PCDH15: variants seen among roughly 807,000 people sequenced by gnomAD.
The protein encoded by PCDH15 is protocadherin related 15.
A neutral mutation model predicts 178.5 loss-of-function variants in PCDH15; 129 were observed. The ratio of observed to expected loss-of-function variants is 0.72; its 90% CI spans 0.63 to 0.84. The LOEUF (loss-of-function observed/expected upper bound fraction) is 0.84. Among genes scored for constraint, PCDH15 ranks in the 40% least tolerant of loss-of-function variants. The pLI is 0.00. For missense variants in PCDH15, 2,230 were observed against 2,099.9 expected (o/e 1.06, Z -1.21); for synonymous variants, 800 against 732.0 (o/e 1.09, Z -1.50).
chr10:54,874,433 A>G (rs963974739), intron 3 of PCDH15, among the ~76,000 whole-genome samples: 1 of 151,480 alleles, frequency 6.6e-6, no homozygotes, highest in African/African-American at 2.4e-5. Flanking sequence ...CAATAAACAT[A>G]CGTGTGCATG....
chr10:54,287,096 C>A (rs2059076643), intron 8 of PCDH15, among the ~76,000 whole-genome samples: 1 of 152,086 alleles, frequency 6.6e-6, no homozygotes, highest in South Asian at 2.1e-4. Context: ...TTGCTTAAGA[C>A]CTCTAGTATT....
chr10:55,411,139 C>T (rs1252191888), intron 2 of PCDH15, among the ~76,000 whole-genome samples: 3 of 151,946 alleles, frequency 2.0e-5, no homozygotes, highest in African/African-American at 4.8e-5. Flanking sequence ...TTAATCATAC[C>T]GGATTTGAAT....
chr10:53,958,776 G>C (rs535943363), intron 23 of PCDH15, among the ~76,000 whole-genome samples: 1 of 151,988 alleles, frequency 6.6e-6, no homozygotes, highest in South Asian at 2.1e-4. Flanking sequence ...GTCAGAGATC[G>C]AGACCATCCT....
intron 5 of PCDH15, among the ~76,000 whole-genome samples, chr10:54,364,617 T>C (rs1437635746): frequency 6.6e-6 from 1 of 152,186 alleles, no homozygotes; most frequent in East Asian, 1.9e-4. Flanking sequence ...CCTTGCTTTT[T>C]TTTCTTTACT....
chr10:54,749,149 C>T (rs1945861822), intron 1 of PCDH15, among the ~76,000 whole-genome samples: 1 of 152,024 alleles, frequency 6.6e-6, no homozygotes, highest in African/African-American at 2.4e-5. Context: ...CCTTATAATT[C>T]CCAGGCCAAA....
At chr10:54,058,687 TTTCTTTCTTTC>T (rs1565149156) in intron 18 of PCDH15, among the ~76,000 whole-genome samples, 1 of 86,432 alleles carries the variant, frequency 1.2e-5, no homozygotes, top group African/African-American at 5.0e-5. Context: ...TATTTCTTTC[TTTCTTTCTTTC>T]TTTTTTTTTT....
chr10:54,952,942 AAGAC>A (rs1461826760), intron 2 of PCDH15, among the ~76,000 whole-genome samples: 1 of 151,678 alleles, frequency 6.6e-6, no homozygotes, highest in Admixed American at 6.6e-5. Context: ...TCTGTGAACA[AAGAC>A]AGTTTTATTC....
At chr10:55,567,636 A>G (rs187021899) in intron 2 of PCDH15, among the ~76,000 whole-genome samples, 2 of 152,172 alleles carry the variant, frequency 1.3e-5, no homozygotes, top group East Asian at 3.9e-4. Flanking sequence ...AAATACTTGA[A>G]TAGACATTTA....
intron 2 of PCDH15, among the ~76,000 whole-genome samples, chr10:54,961,271 C>T (rs967247113): frequency 6.6e-6 from 1 of 152,192 alleles, no homozygotes; most frequent in African/African-American, 2.4e-5. Context: ...CCCCCTGCCA[C>T]CATGGCACCC....
At chr10:55,044,123 T>C (rs182348676) in intron 2 of PCDH15, among the ~76,000 whole-genome samples, 10 of 152,264 alleles carry the variant, frequency 6.6e-5, no homozygotes, top group African/African-American at 2.2e-4. Context: ...AAGGACATTT[T>C]TGATGTCTCA....
intron 26 of PCDH15, among the ~76,000 whole-genome samples, chr10:53,877,514 A>T (rs902655384): frequency 5.3e-5 from 8 of 152,154 alleles, no homozygotes; most frequent in Admixed American, 3.3e-4. Flanking sequence ...ATACATCCTA[A>T]ATCCTTCAGC....
At chr10:55,034,530 C>T (rs527435200) in intron 2 of PCDH15, among the ~76,000 whole-genome samples, 42 of 152,246 alleles carry the variant, frequency 2.8e-4, no homozygotes, top group South Asian at 6.2e-4. Flanking sequence ...CTACTATACG[C>T]CAACCAGTAG....
intron 2 of PCDH15, among the ~76,000 whole-genome samples, chr10:55,377,598 T>TCAATA (rs1241644646): frequency 2.0e-5 from 3 of 152,088 alleles, no homozygotes; most frequent in Non-Finnish European, 4.4e-5. Context: ...TTCAATAAAA[T>TCAATA]AAGTCATTTT....
chr10:54,164,398 A>T (rs538859213), intron 13 of PCDH15, among the ~76,000 whole-genome samples: 15 of 152,164 alleles, frequency 9.9e-5, no homozygotes, highest in Non-Finnish European at 1.8e-4. Context: ...GGACAGAAAG[A>T]TTATTTGGAT....
intron 2 of PCDH15, among the ~76,000 whole-genome samples, chr10:55,454,134 T>C (rs990354633): frequency 6.6e-6 from 1 of 152,030 alleles, no homozygotes; most frequent in Non-Finnish European, 1.5e-5. Flanking sequence ...ATGTGTCTCA[T>C]TCAATATTTA....
chr10:54,690,578 G>A (rs934061290), intron 1 of PCDH15, among the ~76,000 whole-genome samples: 2 of 152,126 alleles, frequency 1.3e-5, no homozygotes, highest in African/African-American at 4.8e-5. Context: ...TTCCCAAAGT[G>A]CTGGGATTAC....
intron 3 of PCDH15, among the ~76,000 whole-genome samples, chr10:54,403,467 A>T (rs1200464381): frequency 5.3e-5 from 8 of 152,090 alleles, no homozygotes; most frequent in Admixed American, 5.3e-4. Context: ...GCCATATATG[A>T]AAAACTCACA....
In PCDH15 at chr10:55,503,975, CA is replaced by C. The variant is rs1275152904; in HGVS notation, c.-156+123649del. ...CCAACTGTGTGACTTCTAGAATAGA[CA>C]AAACTATACAGAATGTAAAAGGATC... On this transcript the variant is annotated intron_variant, in intron 2 of 5. Coordinates refer to the PCDH15 transcript ENST00000613346. Among the ~76,000 whole-genome samples, 3 of 151,374 alleles carry C rather than the reference CA, an allele frequency of 2.0e-5. No homozygotes were observed. In the East Asian group the frequency reaches 5.9e-4, roughly 30 times the overall value.
Position 54,479,482 on chromosome 10 carries a change from G to T in PCDH15, c.157+48330C>A, listed in dbSNP as rs80316704. ...TGATACATCATATCATCATATAGCT[G>T]CCTGGGTTTGTTTTGAATTGTAATC... On this transcript the variant is annotated intron_variant, in intron 3 of 37. Transcript: ENST00000644397. 4.4e-3 allele frequency among the ~76,000 whole-genome samples: 668 copies of T among 151,818 alleles called. 3 individuals are homozygous for T. The highest frequency in any genetic ancestry group is 0.015 in the African/African-American group (622 of 41,404).
Sources: allele counts gnomAD v4.1 joint callset (sites outside exome capture counted in the v4.1 genomes callset), GRCh38; gene constraint gnomAD v4.1.1; transcripts MANE v1.5; gene names NCBI Gene and HGNC (gene_info 2026-07-23, HGNC 2026-07-21).